The following MFAP3L variants were observed in gnomAD, a reference collection of about 807,000 sequenced individuals.
MFAP3L encodes the protein microfibrillar-associated protein 3-like.
Under a neutral mutation model 20.0 loss-of-function variants are expected in MFAP3L, and 5 were observed. The ratio of observed to expected loss-of-function variants is 0.25; its 90% CI spans 0.13 to 0.53. The LOEUF is 0.53. Ranked by LOEUF, MFAP3L falls within the 20% of genes least tolerant of loss-of-function variation. MFAP3L has a pLI of 0.96. For missense variants in MFAP3L, 409 were observed against 527.5 expected, an observed-to-expected ratio of 0.78 and a Z score of 2.20; for synonymous variants, 219 against 213.0, an observed-to-expected ratio of 1.03 and a Z score of -0.25.
chr4:170,001,715 C>T (rs953937852), intron 2 of MFAP3L, among the ~76,000 whole-genome samples: 2 of 152,196 alleles, frequency 1.3e-5, no homozygotes, highest in Admixed American at 6.5e-5. Flanking sequence ...CAGTATATTT[C>T]GTGGCCATTT....
At position 169,992,098 on chromosome 4, in the gene MFAP3L, G is replaced by A. The variant is rs773492816; in HGVS notation, c.510C>T (p.Thr170=). ...GATGGCTGCTCATCATGCACAGGCG[G>A]GTGATATTGAGGACCATGACGATGG... is the stretch of plus-strand genomic sequence containing the variant. ...AFTIVMVLNI[T]RLCMMSSHLK... The change falls in exon 3 of 3, where the codon ACC becomes ACT. Residue 170 remains threonine (T), a synonymous_variant. Transcript: ENST00000361618. This position sits in a 1 kb window ranked among gnomAD's most constrained non-coding sequence, Gnocchi z 4.3. The A allele has an allele frequency of 7.5e-5, 121 of 1,614,036 alleles. 1 individual carries two copies. The highest frequency in any genetic ancestry group is 2.5e-6 in the Non-Finnish European group (3 of 1,180,042).
At position 170,022,145 on chromosome 4, in the gene MFAP3L, CCTT is replaced by C. The variant is rs138011263; in HGVS notation, c.-134+4086_-134+4088del. 5.3e-5 allele frequency among the ~76,000 whole-genome samples: 8 copies of C among 152,286 alleles called. No homozygotes were observed. In the East Asian group the frequency reaches 1.2e-3, roughly 22 times the overall value. On this transcript the variant is annotated intron_variant, in intron 1 of 2. Coordinates refer to ENST00000361618, the MANE Select transcript of MFAP3L (RefSeq NM_021647.8). ...ACTTGCCTCTTCTGCTTTATGATGT[CCTT>C]CTTATTGTGAGTAAAAGTTTTAAGC...
At chr4:170,020,339 T>C (rs1410901097) in intron 1 of MFAP3L, among the ~76,000 whole-genome samples, 1 of 152,138 alleles carries the variant, frequency 6.6e-6, no homozygotes, top group East Asian at 1.9e-4. Context: ...CTAATGATTC[T>C]CACTCCTCAA....
At chr4:170,011,666 G>A (rs570234412) in intron 1 of MFAP3L, among the ~76,000 whole-genome samples, 7 of 152,158 alleles carry the variant, frequency 4.6e-5, no homozygotes, top group South Asian at 2.1e-4. Flanking sequence ...GTCAGAATCC[G>A]GAAGGGGACA....
At position 169,997,445 on chromosome 4, in the gene MFAP3L, T is replaced by C. The variant is rs930258854; in HGVS notation, c.299-5136A>G. ...ACAAATACTTAATGACTCTAAAACA[T>C]AATGAACAGCTCTAAATCAAGCAAG... On this transcript the variant is annotated intron_variant, in intron 2 of 2. Transcript: ENST00000361618. 3.3e-5 allele frequency among the ~76,000 whole-genome samples: 5 copies of C among 152,150 alleles called. No homozygotes were observed. In the East Asian group the frequency reaches 5.8e-4, roughly 18 times the overall value.
chr4:170,023,797 G>A (rs1740182168), intron 1 of MFAP3L, among the ~76,000 whole-genome samples: 1 of 152,174 alleles, frequency 6.6e-6, no homozygotes. Flanking sequence ...TTGTATTCCA[G>A]TATCTAAAAG....
chr4:170,004,258 T>C (rs980169684), intron 2 of MFAP3L, among the ~76,000 whole-genome samples: 3 of 152,060 alleles, frequency 2.0e-5, no homozygotes, highest in Non-Finnish European at 2.9e-5. Context: ...CACTTAATAA[T>C]AGCAGGACTT....
At chr4:169,995,182 G>A (rs187895679) in intron 2 of MFAP3L, 5 of 152,230 alleles carry the variant, frequency 3.3e-5, no homozygotes, top group Admixed American at 6.5e-5. Context: ...ATGATAAAAT[G>A]AGTATGTGAC....
In MFAP3L at chr4:169,989,370, A is replaced by G. The variant is rs1166721221; in HGVS notation, c.*2008T>C. The G allele has an allele frequency of 6.6e-6, 1 of 152,204 alleles. No homozygotes were observed. The highest frequency in any genetic ancestry group is 2.4e-5 in the African/African-American group (1 of 41,450). The allele number at this position is 152,204 out of a possible 1,614,324, so 9.4% of individuals were successfully genotyped here. On this transcript the variant is annotated 3_prime_UTR_variant, in exon 3 of 3. Transcript: ENST00000361618. ...ACAGTTATCTATAAACAAACTAATC[A>G]AGGCTAGGTTTAAAACCAAGCCCAC...
At position 170,010,807 on chromosome 4, in the gene MFAP3L, GC is replaced by G. The variant is rs369680774; in HGVS notation, c.-133-4798del. On this transcript the variant is annotated intron_variant, in intron 1 of 2. Coordinates refer to ENST00000361618, the MANE Select transcript of MFAP3L (RefSeq NM_021647.8). ...TTATACACAGATTTCCCACTGCATTGCGGGGGGGTGGGTGCCCCTAACCCAT... is the reference window on the plus strand; with the variant it reads ...TTATACACAGATTTCCCACTGCATTGGGGGGGGTGGGTGCCCCTAACCCAT... Among the ~76,000 whole-genome samples, 340 of 105,250 alleles carry G rather than the reference GC, an allele frequency of 3.2e-3. 4 individuals carry two copies. The highest frequency in any genetic ancestry group is 0.021 in the African/African-American group (303 of 14,178). 69.0% of individuals were successfully genotyped at this position (105,250 alleles called of 152,430 possible). A position where few individuals can be genotyped will look rare whatever the true frequency, so the allele number is the denominator to read the frequency against.
chr4:169,994,323 A>T (rs1737971282), intron 2 of MFAP3L: 1 of 985,344 alleles, frequency 1.0e-6, no homozygotes, highest in South Asian at 4.7e-5. Context: ...TTTTTGGAAC[A>T]GTTATCTGTA....
At chr4:169,994,532 T>A in intron 2 of MFAP3L, 2 of 975,072 alleles carry the variant, frequency 2.1e-6, no homozygotes, top group Non-Finnish European at 2.4e-6. Context: ...ATTGAATATT[T>A]AAAAATGTTT....
In MFAP3L at chr4:170,026,284, C is replaced by T. The variant is rs1483672518; in HGVS notation, c.-184G>A. ...GCCGCCGTGCACCCCTCGCCATGGC[C>T]AGCCCGACAGCGGCCGCTGCGCCGC... is the stretch of plus-strand genomic sequence containing the variant. On this transcript the variant is annotated 5_prime_UTR_variant, in exon 1 of 3. Coordinates refer to ENST00000361618, the MANE Select transcript of MFAP3L (RefSeq NM_021647.8). The T allele has an allele frequency of 2.0e-6, 2 of 984,188 alleles. No homozygotes were observed. The highest frequency in any genetic ancestry group is 6.2e-5 in the Admixed American group (1 of 16,144). The allele number at this position is 984,188 out of a possible 1,614,324, so 61.0% of individuals were successfully genotyped here.
chr4:169,994,540 T>C (rs551190107), intron 2 of MFAP3L: 1 of 975,132 alleles, frequency 1.0e-6, no homozygotes, highest in Admixed American at 6.1e-5. Context: ...TTTAAAAATG[T>C]TTCTGAACGT....
chr4:170,006,530 C>A (rs1739047482), intron 1 of MFAP3L: 1 of 152,166 alleles, frequency 6.6e-6, no homozygotes, highest in Non-Finnish European at 1.5e-5. Flanking sequence ...TTTATAGGAA[C>A]AAATATTTCT....
At chr4:169,994,254 G>C in intron 2 of MFAP3L, 1 of 985,228 alleles carries the variant, frequency 1.0e-6, no homozygotes, top group Non-Finnish European at 1.2e-6. Context: ...AGAAGGTGAG[G>C]TTATTTGTGT....
intron 1 of MFAP3L, among the ~76,000 whole-genome samples, chr4:170,017,759 G>C (rs981496556): frequency 6.6e-6 from 1 of 152,068 alleles, no homozygotes; most frequent in Non-Finnish European, 1.5e-5. Context: ...GTCACAACAC[G>C]GCAAATTGTT....
chr4:170,002,278 C>T (rs527371824), intron 2 of MFAP3L: 47 of 984,480 alleles, frequency 4.8e-5, no homozygotes, highest in South Asian at 2.4e-4. Flanking sequence ...CCGCTGGCCA[C>T]ACTCTGGTTG....
At chr4:170,007,020 T>A (rs1344649247) in intron 1 of MFAP3L, 2 of 152,196 alleles carry the variant, frequency 1.3e-5, no homozygotes, top group East Asian at 3.8e-4. Context: ...CACCTAGTCC[T>A]CTATCCTCCA....
Sources: allele counts gnomAD v4.1 joint callset (sites outside exome capture counted in the v4.1 genomes callset), GRCh38; gene constraint gnomAD v4.1.1; non-coding constraint Gnocchi (gnomAD v3.1); transcripts MANE v1.5; gene names NCBI Gene and HGNC (gene_info 2026-07-23, HGNC 2026-07-21).